The following AGPS variants were observed in gnomAD, a reference collection of about 807,000 sequenced individuals.
The protein encoded by AGPS is alkylglycerone phosphate synthase, also known as alkyldihydroxyacetonephosphate synthase, peroxisomal.
Under a neutral mutation model 90.7 loss-of-function variants are expected in AGPS, and 26 were observed. The observed-to-expected ratio is 0.29, with a 90% CI of 0.21 to 0.40. The LOEUF is 0.40. Ranked by LOEUF, AGPS falls within the 10% of genes least tolerant of loss-of-function variation. The pLI, the probability that AGPS is intolerant of heterozygous loss-of-function variation, is 1.00. For synonymous variants in AGPS, 294 were observed against 285.3 expected, an observed-to-expected ratio of 1.03 and a Z score of -0.31; for missense variants, 540 against 816.1, an observed-to-expected ratio of 0.66 and a Z score of 4.12.
chr2:177,434,997 G>GGATATATA (rs36151985), intron 3 of AGPS, among the ~76,000 whole-genome samples: 3 of 128,160 alleles, frequency 2.3e-5, no homozygotes, highest in Non-Finnish European at 4.9e-5. Context: ...TAAACTGTAG[G>GGATATATA]TATATATATA....
intron 18 of AGPS, among the ~76,000 whole-genome samples, chr2:177,523,299 C>T (rs894704195): frequency 4.6e-5 from 7 of 152,150 alleles, no homozygotes; most frequent in Non-Finnish European, 1.0e-4. Flanking sequence ...GTAGTTATTT[C>T]ATAAAGCTAT....
chr2:177,414,900 G>GTGTGTGT (rs1685740609), intron 1 of AGPS, among the ~76,000 whole-genome samples: 1 of 148,146 alleles, frequency 6.8e-6, no homozygotes, highest in African/African-American at 2.6e-5. Flanking sequence ...GAAGGTTCGT[G>GTGTGTGT]TGTGTGTGTG....
At position 177,475,517 on chromosome 2, in the gene AGPS, A is replaced by G. The variant is rs530220289; in HGVS notation, c.1106-6542A>G. 1.4e-3 allele frequency among the ~76,000 whole-genome samples: 217 copies of G among 152,276 alleles called. 1 individual carries two copies. Among genetic ancestry groups the G allele is most frequent in the Middle Eastern group, 3.4e-3 (1 of 294 alleles). ...AACTACTGATCTTCTTTTGATCTCT[A>G]TAGATTTGCCTGTTCTGGAAATTAC... On this transcript the variant is annotated intron_variant, in intron 10 of 19. Transcript: ENST00000264167.
chr2:177,536,514 A>G (rs2079185671), intron 19 of AGPS, among the ~76,000 whole-genome samples: 1 of 152,130 alleles, frequency 6.6e-6, no homozygotes. Context: ...AGACCTTATA[A>G]AGTCTAATCC....
intron 1 of AGPS, among the ~76,000 whole-genome samples, chr2:177,396,778 A>G (rs1685188541): frequency 6.6e-6 from 1 of 152,178 alleles, no homozygotes; most frequent in African/African-American, 2.4e-5. Flanking sequence ...AAAACTATGT[A>G]ACTAAATTAA....
rs75350884 is a variant in AGPS, at chr2:177,478,044, A to G, written c.1106-4015A>G. The stretch of plus-strand genomic sequence containing the variant: ...TTTATTTTAAGCCTGGTTTTCCAGC[A>G]GTGAAGTCCTCTCAGCTTTTATCTG... On this transcript the variant is annotated intron_variant, in intron 10 of 19. Transcript: ENST00000264167. Among the ~76,000 whole-genome samples the G allele has an allele frequency of 6.8e-3, 1,033 of 152,278 alleles. 11 individuals carry two copies. Among genetic ancestry groups the G allele is most frequent in the African/African-American group, 0.024 (981 of 41,546 alleles).
intron 7 of AGPS, 107 bp from the exon 8 acceptor site, chr2:177,445,439 T>A: frequency 1.0e-6 from 1 of 954,136 alleles, no homozygotes; most frequent in East Asian, 2.6e-5. Context: ...GAACCCTTCT[T>A]GCTTAATCAC....
At chr2:177,506,997 A>C (rs1688735832) in intron 15 of AGPS, among the ~76,000 whole-genome samples, 1 of 152,024 alleles carries the variant, frequency 6.6e-6, no homozygotes, top group African/African-American at 2.4e-5. Flanking sequence ...GGTTCTAGTT[A>C]ATGTTAAAAC....
At chr2:177,483,517 TG>T (rs1483079788) in intron 11 of AGPS, among the ~76,000 whole-genome samples, 1 of 152,186 alleles carries the variant, frequency 6.6e-6, no homozygotes, top group Non-Finnish European at 1.5e-5. Flanking sequence ...AGACTACTCC[TG>T]GGTAGGGAGA....
intron 19 of AGPS, among the ~76,000 whole-genome samples, chr2:177,533,521 TGA>T (rs1397477076): frequency 2.0e-5 from 3 of 151,938 alleles, no homozygotes; most frequent in Non-Finnish European, 4.4e-5. Flanking sequence ...ACCAGGAGAG[TGA>T]GTATAGGTGG....
intron 19 of AGPS, among the ~76,000 whole-genome samples, chr2:177,528,801 G>A (rs545074970): frequency 1.7e-4 from 26 of 148,992 alleles, no homozygotes; most frequent in Middle Eastern, 3.5e-3. Context: ...CACAGAATTT[G>A]AGCAGTTTTG....
chr2:177,442,409 G>A lies in AGPS; in HGVS notation c.712G>A (p.Gly238Arg), dbSNP rs1686634518. The stretch of plus-strand genomic sequence containing the variant: ...GTTGTTGTTTCCTATTTTGGCAGGA[G>A]GAACAAGTGTTTCATATGGCCTGAT... ...YNLCIIPIGG[G>R]TSVSYGLMCP... The change falls in exon 7 of 20, where the codon GGA (glycine) becomes AGA (arginine). Residue 238 changes from glycine (G) to arginine (R), a missense_variant and splice_region_variant. This residue lies in a region of AGPS where 405 missense variants were observed against 692.1 expected (regional missense o/e 0.59). Transcript: ENST00000264167. 3.1e-6 allele frequency: 5 copies of A among 1,612,908 alleles called. No individual in the cohort carries two copies. Among genetic ancestry groups the A allele is most frequent in the Non-Finnish European group, 3.4e-6 (4 of 1,178,932 alleles).
At chr2:177,494,274 T>C (rs1007536833) in intron 12 of AGPS, among the ~76,000 whole-genome samples, 3 of 152,208 alleles carry the variant, frequency 2.0e-5, no homozygotes, top group African/African-American at 7.2e-5. Flanking sequence ...GTTCGTAACA[T>C]ATTAAGAGTT....
At chr2:177,527,918 CA>C (rs1201764764) in intron 19 of AGPS, among the ~76,000 whole-genome samples, 2 of 152,162 alleles carry the variant, frequency 1.3e-5, no homozygotes, top group Non-Finnish European at 2.9e-5. Context: ...CGCATGGAAA[CA>C]GACTCTGAAA....
intron 11 of AGPS, among the ~76,000 whole-genome samples, chr2:177,487,706 G>GTT (rs1040525955): frequency 2.0e-5 from 3 of 151,808 alleles, no homozygotes; most frequent in African/African-American, 7.3e-5. Flanking sequence ...TGTGTCATGC[G>GTT]TTTTTTTCTC....
At chr2:177,393,188 T>C (rs1685073735) in intron 1 of AGPS, 139 bp downstream of exon 1, 1 of 1,543,090 alleles carries the variant, frequency 6.5e-7, no homozygotes, top group Non-Finnish European at 8.7e-7. Flanking sequence ...GGGACCCACC[T>C]CTCTTTCGAG....
At chr2:177,450,117 G>A (rs10930791) in intron 8 of AGPS, among the ~76,000 whole-genome samples, 131,313 of 152,160 alleles carry the variant, frequency 0.86, 56,866 homozygotes, top group East Asian at 0.95. Context: ...GATTACAGGT[G>A]TCAGCCACCA....
intron 10 of AGPS, among the ~76,000 whole-genome samples, chr2:177,474,735 C>A (rs182623947): frequency 6.6e-6 from 1 of 152,178 alleles, no homozygotes; most frequent in Admixed American, 6.5e-5. Flanking sequence ...ACATTTAGAG[C>A]CAGTTCATTC....
chr2:177,456,595 A>G (rs1687117210), intron 8 of AGPS, among the ~76,000 whole-genome samples: 1 of 152,172 alleles, frequency 6.6e-6, no homozygotes, highest in Non-Finnish European at 1.5e-5. Context: ...AGCATGGGGA[A>G]CATCTGGTTT....
Sources: allele counts gnomAD v4.1 joint callset (sites outside exome capture counted in the v4.1 genomes callset), GRCh38; gene constraint gnomAD v4.1.1; regional missense constraint gnomAD v4.1.1; transcripts MANE v1.5; gene names NCBI Gene and HGNC (gene_info 2026-07-23, HGNC 2026-07-21).